The following RYR2 variants were observed in gnomAD, a reference collection of about 807,000 sequenced individuals.
RYR2 encodes ryanodine receptor 2.
RYR2 carries 227 observed loss-of-function variants against 601.1 expected under a neutral mutation model. The ratio of observed to expected loss-of-function variants is 0.38; its 90% CI spans 0.34 to 0.42. The LOEUF is 0.42. Among genes scored for constraint, RYR2 ranks in the 10% least tolerant of loss-of-function variants. RYR2 has a pLI of 1.00. For missense variants in RYR2, 4,646 were observed against 6,156.5 expected (o/e 0.75, Z 8.21); for synonymous variants, 2,223 against 2,175.1 (o/e 1.02, Z -0.61).
chr1:237,649,412 A>G (rs1411691974), intron 49 of RYR2, among the ~76,000 whole-genome samples: 1 of 152,202 alleles, frequency 6.6e-6, no homozygotes, highest in Non-Finnish European at 1.5e-5. Flanking sequence ...ATAACATAGT[A>G]GTAATACAGT....
At chr1:237,113,347 C>A (rs552895579) in intron 1 of RYR2, among the ~76,000 whole-genome samples, 1 of 151,752 alleles carries the variant, frequency 6.6e-6, no homozygotes, top group Non-Finnish European at 1.5e-5. Flanking sequence ...TACAGGTGTG[C>A]GCCACCATGC....
chr1:237,627,700 T>C lies in RYR2; in HGVS notation c.6167-107T>C, dbSNP rs74147172. ...ATATCTAGAGCCTTTTCAAGCCTGG[T>C]ACAAATAGAAATACCAATTTGGGGG... is the stretch of plus-strand genomic sequence containing the variant. On this transcript the variant is annotated intron_variant, in intron 40 of 104. Coordinates refer to ENST00000366574, the MANE Select transcript of RYR2 (RefSeq NM_001035.3). 1,379 of 1,177,846 alleles carry C rather than the reference T, an allele frequency of 1.2e-3. 16 individuals carry two copies. In the African/African-American group the frequency reaches 0.019, roughly 17 times the overall value. 73.0% of individuals were successfully genotyped at this position (1,177,846 alleles called of 1,614,324 possible). A position where few individuals can be genotyped will look rare whatever the true frequency, so the allele number is the denominator to read the frequency against.
chr1:237,449,528 A>G (rs146972059), intron 14 of RYR2, among the ~76,000 whole-genome samples: 173 of 152,252 alleles, frequency 1.1e-3, no homozygotes, highest in African/African-American at 3.9e-3. Flanking sequence ...TAACAAAAAC[A>G]TCTATATTTG....
At chr1:237,185,333 C>T (rs1056010372) in intron 1 of RYR2, among the ~76,000 whole-genome samples, 8 of 152,144 alleles carry the variant, frequency 5.3e-5, no homozygotes, top group Admixed American at 1.3e-4. Context: ...TCCTGAGCAG[C>T]ACTATTTTAC....
At chr1:237,803,709 A>G (rs1175590218) in intron 98 of RYR2, among the ~76,000 whole-genome samples, 1 of 151,866 alleles carries the variant, frequency 6.6e-6, no homozygotes, top group African/African-American at 2.4e-5. Flanking sequence ...TCGGTCTACA[A>G]TTTTCTCTTT....
chr1:237,593,513 C>A lies in RYR2; in HGVS notation c.4313C>A (p.Pro1438His), dbSNP rs762314969. 6.2e-7 allele frequency: 1 copy of A among 1,613,710 alleles called. No individual in the cohort carries two copies. The highest frequency in any genetic ancestry group is 1.1e-5 in the South Asian group (1 of 91,024). Residue 1438 changes from proline (P) to histidine (H), a missense_variant, in exon 33 of 105, where the codon CCT becomes CAT. This residue lies in a region of RYR2 where 1,807 missense variants were observed against 2,088.1 expected (regional missense o/e 0.87). Transcript: ENST00000366574. ...YSVRIFPGQE[P>H]ANVWVGWITS... ...GTGAGAATCTTTCCTGGACAAGAAC[C>A]TGCTAATGTCTGGGTGGGCTGGATT...
chr1:237,623,834 C>T lies in RYR2; in HGVS notation c.5986C>T (p.Leu1996=). ...CPCPEEIRDQ[L]LDFHEDLMTH... ...ATGTCCAGAAGAAATTCGTGACCAACTATTGGATTTCCATGAAGATTTGAT... is the reference window on the plus strand; with the variant it reads ...ATGTCCAGAAGAAATTCGTGACCAATTATTGGATTTCCATGAAGATTTGAT... Residue 1996 remains leucine (L), a synonymous_variant, in exon 39 of 105, where the codon CTA becomes TTA. Coordinates refer to ENST00000366574, the MANE Select transcript of RYR2 (RefSeq NM_001035.3). The T allele has an allele frequency of 6.2e-7, 1 of 1,612,868 alleles. No homozygotes were observed. The highest frequency in any genetic ancestry group is 1.3e-5 in the African/African-American group (1 of 74,990).
chr1:237,211,675 T>C (rs1358785552), intron 1 of RYR2, among the ~76,000 whole-genome samples: 1 of 152,228 alleles, frequency 6.6e-6, no homozygotes, highest in Admixed American at 6.5e-5. Flanking sequence ...CATTTGACAG[T>C]TCTCTGAACC....
intron 49 of RYR2, among the ~76,000 whole-genome samples, chr1:237,649,289 C>T (rs1431101000): frequency 6.6e-6 from 1 of 152,184 alleles, no homozygotes; most frequent in Non-Finnish European, 1.5e-5. Flanking sequence ...CTTGAGCCGA[C>T]AGTAGCCCCT....
chr1:237,687,365 T>TCTTTTTTTTTTTTTTTTTTTTTTTTTTTC, intron 62 of RYR2, 90 bp from the exon 63 acceptor site: 1 of 441,062 alleles, frequency 2.3e-6, no homozygotes, highest in Non-Finnish European at 3.7e-6. Flanking sequence ...TTTTTCTTCT[T>TCTTTTTTTTTTTTTTTTTTTTTTTTTTTC]CTTTTTTTTT....
chr1:237,704,552 C>A (rs1688214558), intron 66 of RYR2, among the ~76,000 whole-genome samples: 1 of 151,838 alleles, frequency 6.6e-6, no homozygotes, highest in South Asian at 2.1e-4. Context: ...GTTTTTCAAA[C>A]CCTCTAATTC....
intron 3 of RYR2, among the ~76,000 whole-genome samples, chr1:237,351,453 G>GAATACGA (rs1259155987): frequency 6.6e-6 from 1 of 151,790 alleles, no homozygotes; most frequent in Non-Finnish European, 1.5e-5. Flanking sequence ...TGGAAAGACT[G>GAATACGA]AATACGAAAA....
chr1:237,318,133 G>C (rs569502246), intron 2 of RYR2, among the ~76,000 whole-genome samples: 45 of 150,814 alleles, frequency 3.0e-4, no homozygotes, highest in African/African-American at 1.0e-3. Flanking sequence ...TATGTACTCG[G>C]GGATTGCAAT....
intron 2 of RYR2, among the ~76,000 whole-genome samples, chr1:237,330,524 A>T (rs1696601798): frequency 6.6e-6 from 1 of 152,154 alleles, no homozygotes; most frequent in South Asian, 2.1e-4. Context: ...AGTAGCTGGG[A>T]TTACAGGCTT....
At chr1:237,755,231 G>C in intron 80 of RYR2, 1 of 478,142 alleles carries the variant, frequency 2.1e-6, no homozygotes, top group Non-Finnish European at 3.3e-6. Flanking sequence ...TTCATATTCT[G>C]TAACTAGCAA....
At chr1:237,609,190 GC>G (rs1261960014) in intron 35 of RYR2, among the ~76,000 whole-genome samples, 1 of 71,292 alleles carries the variant, frequency 1.4e-5, no homozygotes, top group East Asian at 3.5e-4. Context: ...CTTCCTTCCT[GC>G]CCTCCTATCT....
intron 2 of RYR2, among the ~76,000 whole-genome samples, chr1:237,279,208 C>G (rs985817696): frequency 9.9e-5 from 15 of 151,986 alleles, no homozygotes; most frequent in Non-Finnish European, 1.9e-4. Context: ...TGAAGGATTG[C>G]TATAGTATTT....
intron 3 of RYR2, among the ~76,000 whole-genome samples, chr1:237,335,818 T>C (rs552099500): frequency 1.5e-3 from 232 of 152,336 alleles, no homozygotes; most frequent in Middle Eastern, 3.4e-3. Context: ...TGCTATATAA[T>C]CCTCATGATC....
In RYR2 at chr1:237,548,829, T is replaced by C. The variant is rs183314542; in HGVS notation, c.3066+239T>C. Among the ~76,000 whole-genome samples, 20 of 152,330 alleles carry C rather than the reference T, an allele frequency of 1.3e-4. No homozygotes were observed. The East Asian group carries it at 3.9e-3, about 29-fold the overall frequency. ...TGAATAATACTACACTGGTGACTTATAATATGGTTTTGTGGTATTTCTCTC... is the reference window on the plus strand; with the variant it reads ...TGAATAATACTACACTGGTGACTTACAATATGGTTTTGTGGTATTTCTCTC... On this transcript the variant is annotated intron_variant, in intron 26 of 104. Coordinates refer to ENST00000366574, the MANE Select transcript of RYR2 (RefSeq NM_001035.3).
Sources: allele counts gnomAD v4.1 joint callset (sites outside exome capture counted in the v4.1 genomes callset), GRCh38; gene constraint gnomAD v4.1.1; regional missense constraint gnomAD v4.1.1; transcripts MANE v1.5; gene names NCBI Gene and HGNC (gene_info 2026-07-23, HGNC 2026-07-21).